PTGER3: variants seen among roughly 807,000 people sequenced by gnomAD.
The protein encoded by PTGER3 is prostaglandin E receptor 3, also known as prostaglandin E2 receptor EP3 subtype.
In PTGER3, 22 loss-of-function variants were observed where a neutral mutation model predicts 34.7. That is an observed-to-expected ratio of 0.63 (90% CI 0.45 to 0.91). The LOEUF (loss-of-function observed/expected upper bound fraction) is 0.91. PTGER3 is among the 40% of genes least tolerant of loss of function. The pLI is 0.00. For missense variants in PTGER3, 468 were observed against 519.4 expected, an observed-to-expected ratio of 0.90 and a Z score of 0.96; for synonymous variants, 241 against 230.1, an observed-to-expected ratio of 1.05 and a Z score of -0.43.
At chr1:70,997,932 C>T (rs561344565) in intron 2 of PTGER3, among the ~76,000 whole-genome samples, 1 of 152,178 alleles carries the variant, frequency 6.6e-6, no homozygotes, top group Non-Finnish European at 1.5e-5. Flanking sequence ...CAGCAAACTC[C>T]CTAGTGGTTT....
downstream of PTGER3, among the ~76,000 whole-genome samples, chr1:70,967,244 C>T (rs1402161551): frequency 1.3e-5 from 2 of 151,946 alleles, no homozygotes; most frequent in African/African-American, 4.8e-5. Flanking sequence ...TGTGATATCA[C>T]CTACTTGTCT....
intron 2 of PTGER3, chr1:71,005,793 C>T (rs1656904471): frequency 2.2e-6 from 2 of 899,844 alleles, no homozygotes; most frequent in African/African-American, 1.8e-5. Context: ...TGTCTCACCC[C>T]ATGGCCTGTA....
chr1:70,900,536 C>T (rs949494179), intron 4 of PTGER3, among the ~76,000 whole-genome samples: 1 of 137,784 alleles, frequency 7.3e-6, no homozygotes, highest in Admixed American at 7.1e-5. Flanking sequence ...TATTAATATA[C>T]AAATGATGAA....
In PTGER3 at chr1:70,926,658, T is replaced by C. The variant is rs28783160; in HGVS notation, c.*23+27105A>G. Among the ~76,000 whole-genome samples, 210 of 152,124 alleles carry C rather than the reference T, an allele frequency of 1.4e-3. 3 individuals are homozygous for C. The East Asian group carries it at 0.033, about 24-fold the overall frequency. Reference sequence around the variant, plus strand: ...CAATTTGACTTCCTCTTTTCCTAATTGAATACGCTTTATTTCCTTCTCCTG... The same window carrying C: ...CAATTTGACTTCCTCTTTTCCTAATCGAATACGCTTTATTTCCTTCTCCTG... On this transcript the variant is annotated intron_variant, in intron 4 of 4. Transcript: ENST00000370931.
At chr1:71,040,354 C>T (rs1448723903) in intron 1 of PTGER3, among the ~76,000 whole-genome samples, 1 of 152,066 alleles carries the variant, frequency 6.6e-6, no homozygotes, top group Admixed American at 6.5e-5. Context: ...AATGCCACAG[C>T]ACTTTGGGAG....
intron 4 of PTGER3, among the ~76,000 whole-genome samples, chr1:70,934,803 C>T (rs1649050780): frequency 6.6e-6 from 1 of 152,088 alleles, no homozygotes; most frequent in African/African-American, 2.4e-5. Flanking sequence ...TCCAGATCAC[C>T]TTCCCTGACA....
chr1:71,017,750 A>G (rs1208293809), intron 1 of PTGER3, among the ~76,000 whole-genome samples: 1 of 152,098 alleles, frequency 6.6e-6, no homozygotes, highest in East Asian at 1.9e-4. Context: ...CTCCCCAGCC[A>G]TGCTTCCTGT....
intron 4 of PTGER3, among the ~76,000 whole-genome samples, chr1:70,935,672 A>AATATAAATAT (rs1553165141): frequency 2.1e-5 from 3 of 140,214 alleles, no homozygotes; most frequent in Non-Finnish European, 3.0e-5. Context: ...TACAAATATA[A>AATATAAATAT]ATATATATAT....
intron 2 of PTGER3, chr1:71,011,072 A>G (rs1270103698): frequency 1.0e-6 from 1 of 985,712 alleles, no homozygotes; most frequent in East Asian, 1.1e-4. Flanking sequence ...CAGGATTACT[A>G]TGTTTGGTGG....
At chr1:70,957,979 G>A (rs1346765589) in intron 2 of PTGER3, among the ~76,000 whole-genome samples, 1 of 152,014 alleles carries the variant, frequency 6.6e-6, no homozygotes, top group East Asian at 1.9e-4. Context: ...ATGTCCTCCA[G>A]GTTCATCTAC....
chr1:70,948,880 T>G (rs946312352), downstream of PTGER3, among the ~76,000 whole-genome samples: 12 of 152,124 alleles, frequency 7.9e-5, no homozygotes, highest in Non-Finnish European at 1.0e-4. Context: ...TGTGGATGAG[T>G]CTCTTCCACA....
chr1:70,890,657 G>A (rs1354515147), intron 4 of PTGER3, among the ~76,000 whole-genome samples: 2 of 152,132 alleles, frequency 1.3e-5, no homozygotes, highest in Non-Finnish European at 2.9e-5. Context: ...TATCTCCACA[G>A]ACACCATGTT....
intron 2 of PTGER3, among the ~76,000 whole-genome samples, chr1:70,976,335 G>A (rs1653697981): frequency 6.6e-6 from 1 of 152,000 alleles, no homozygotes; most frequent in Non-Finnish European, 1.5e-5. Flanking sequence ...TGTAAACTAT[G>A]GACTTTGGGT....
intron 4 of PTGER3, among the ~76,000 whole-genome samples, chr1:70,859,679 C>T (rs1325731760): frequency 1.3e-5 from 2 of 152,192 alleles, no homozygotes; most frequent in African/African-American, 4.8e-5. Context: ...ACCTTGCATT[C>T]TTACACGACT....
At chr1:70,956,460 A>T (rs970635103) in intron 2 of PTGER3, among the ~76,000 whole-genome samples, 1 of 152,128 alleles carries the variant, frequency 6.6e-6, no homozygotes, top group Admixed American at 6.5e-5. Context: ...TTCTTTAAAA[A>T]GTGGGGCATG....
intron 4 of PTGER3, among the ~76,000 whole-genome samples, chr1:70,896,887 A>T (rs2100310544): frequency 6.6e-6 from 1 of 152,252 alleles, no homozygotes; most frequent in South Asian, 2.1e-4. Flanking sequence ...AAACCTCAGA[A>T]AATATCCCAC....
At chr1:70,943,847 G>GGAGAGAGAGAGAGA in intron 4 of PTGER3, among the ~76,000 whole-genome samples, 1 of 138,338 alleles carries the variant, frequency 7.2e-6, no homozygotes, top group African/African-American at 2.7e-5. Context: ...GGAGAGAGAG[G>GGAGAGAGAGAGAGA]GAGAGAGAGA....
intron 2 of PTGER3, chr1:71,002,198 G>T (rs1381974057): frequency 6.6e-6 from 1 of 152,140 alleles, no homozygotes; most frequent in African/African-American, 2.4e-5. Flanking sequence ...GGAGGCTGAG[G>T]CTGCAACGAG....
intron 1 of PTGER3, among the ~76,000 whole-genome samples, chr1:71,044,118 T>TG (rs1317125110): frequency 1.3e-5 from 2 of 149,742 alleles, no homozygotes; most frequent in Non-Finnish European, 3.0e-5. Context: ...GCCCAGCCGA[T>TG]GGAACCATTT....
Sources: gnomAD v4.1 joint callset for allele counts (sites outside exome capture counted in the v4.1 genomes callset) on GRCh38, gnomAD v4.1.1 for gene constraint, MANE v1.5 for transcripts, NCBI Gene and HGNC (gene_info 2026-07-23, HGNC 2026-07-21) for gene names.